COL22A1: variants seen among roughly 807,000 people sequenced by gnomAD.
COL22A1 encodes the protein collagen type XXII alpha 1 chain.
Under a neutral mutation model 248.9 loss-of-function variants are expected in COL22A1, and 221 were observed. The ratio of observed to expected loss-of-function variants is 0.89; its 90% confidence interval spans 0.80 to 0.99. COL22A1 has a LOEUF of 0.99. Ranked by LOEUF, COL22A1 falls within the 50% of genes least tolerant of loss-of-function variation. COL22A1 has a pLI of 0.00. For synonymous variants in COL22A1, 891 were observed against 793.4 expected (o/e 1.12, Z -2.07); for missense variants, 2,240 against 2,179.0 (o/e 1.03, Z -0.56).
chr8:138,677,507 G>T (rs979616999), intron 40 of COL22A1, among the ~76,000 whole-genome samples: 8 of 93,496 alleles, frequency 8.6e-5, no homozygotes, highest in African/African-American at 4.1e-4. Flanking sequence ...GGCCAAGGCC[G>T]AGCCACGCCT....
chr8:138,627,861 T>G (rs1820375783), intron 50 of COL22A1, among the ~76,000 whole-genome samples: 1 of 152,188 alleles, frequency 6.6e-6, no homozygotes, highest in Non-Finnish European at 1.5e-5. Flanking sequence ...AATTGTTGAT[T>G]AAACAATCCA....
chr8:138,732,006 A>G (rs574449024), intron 23 of COL22A1, among the ~76,000 whole-genome samples: 10 of 152,344 alleles, frequency 6.6e-5, no homozygotes, highest in East Asian at 1.9e-4. Context: ...CTCACTGGTA[A>G]GTTTCCCAAT....
At chr8:138,802,405 G>A (rs1437248079) in intron 11 of COL22A1, among the ~76,000 whole-genome samples, 2 of 151,974 alleles carry the variant, frequency 1.3e-5, no homozygotes, top group East Asian at 3.9e-4. Flanking sequence ...AGGTGCTGTG[G>A]GAACACAGAG....
chr8:138,882,876 CATA>C (rs1474521378), intron 2 of COL22A1, among the ~76,000 whole-genome samples: 1 of 152,182 alleles, frequency 6.6e-6, no homozygotes, highest in Non-Finnish European at 1.5e-5. Flanking sequence ...TACTGTCAGA[CATA>C]TACAGGCCCT....
chr8:138,685,233 G>T lies in COL22A1; in HGVS notation c.2942C>A (p.Pro981His). Residue 981 changes from proline to histidine, a missense_variant, in exon 38 of 65, where the codon CCC becomes CAC. By Grantham distance (77) the Pro-to-His change is moderately conservative. Transcript: ENST00000303045. The stretch of plus-strand genomic sequence containing the variant: ...CGGCTCTCCATCCTTCCCTTTTCCG[G>T]GTGGCCCAGGGAGCCCAGGAGCACC... ...DPGAPGLPGPPGKGKDGEPGL... is the reference protein window; with the variant it reads ...DPGAPGLPGPHGKGKDGEPGL... 6.2e-7 allele frequency: 1 copy of T among 1,612,998 alleles called. No homozygotes were observed. The highest frequency in any genetic ancestry group is 8.5e-7 in the Non-Finnish European group (1 of 1,179,468).
chr8:138,615,510 G>A (rs557701607), intron 55 of COL22A1, among the ~76,000 whole-genome samples: 47 of 147,556 alleles, frequency 3.2e-4, no homozygotes, highest in Non-Finnish European at 5.6e-4. Context: ...CAGCCTGGGC[G>A]ACGGAGTGAG....
intron 15 of COL22A1, among the ~76,000 whole-genome samples, chr8:138,777,527 C>G (rs1814581827): frequency 6.6e-6 from 1 of 152,148 alleles, no homozygotes; most frequent in South Asian, 2.1e-4. Context: ...TTGCCCACCA[C>G]CCCCCAACAG....
intron 12 of COL22A1, among the ~76,000 whole-genome samples, chr8:138,791,181 C>A (rs1201591535): frequency 6.6e-6 from 1 of 152,182 alleles, no homozygotes; most frequent in African/African-American, 2.4e-5. Context: ...TTGCTTGATG[C>A]TGGGCACCTT....
intron 6 of COL22A1, among the ~76,000 whole-genome samples, chr8:138,823,146 G>T (rs970215060): frequency 3.9e-5 from 6 of 151,958 alleles, no homozygotes; most frequent in African/African-American, 1.2e-4. Flanking sequence ...TTGTAAAATG[G>T]GACCAATAGT....
At chr8:138,850,297 G>A (rs577419615) in intron 3 of COL22A1, among the ~76,000 whole-genome samples, 1 of 152,300 alleles carries the variant, frequency 6.6e-6, no homozygotes, top group African/African-American at 2.4e-5. Context: ...GAGAGGGCAT[G>A]GTCAGAGTGC....
intron 12 of COL22A1, among the ~76,000 whole-genome samples, chr8:138,784,216 C>T (rs1402374536): frequency 6.6e-6 from 1 of 152,234 alleles, no homozygotes; most frequent in Non-Finnish European, 1.5e-5. Flanking sequence ...GAGACATGCT[C>T]ATTCCAGGAT....
intron 1 of COL22A1, among the ~76,000 whole-genome samples, chr8:138,910,057 G>C (rs1479071039): frequency 6.6e-6 from 1 of 152,210 alleles, no homozygotes; most frequent in Non-Finnish European, 1.5e-5. Flanking sequence ...ATGTGAAGAA[G>C]CAATACAAAA....
intron 4 of COL22A1, among the ~76,000 whole-genome samples, chr8:138,834,349 A>G (rs1359390459): frequency 7.6e-6 from 1 of 132,048 alleles, no homozygotes; most frequent in African/African-American, 3.4e-5. Flanking sequence ...GAGAAAAAGA[A>G]AAAAAAAAAA....
chr8:138,681,961 T>C (rs1397720208), intron 39 of COL22A1, among the ~76,000 whole-genome samples: 1 of 152,190 alleles, frequency 6.6e-6, no homozygotes, highest in Non-Finnish European at 1.5e-5. Context: ...CCTCACCTGC[T>C]TGAATAAGGG....
chr8:138,715,838 T>G lies in COL22A1; in HGVS notation c.2464-103A>C, dbSNP rs1487586196. 6 of 817,838 alleles carry G rather than the reference T, an allele frequency of 7.3e-6. No individual in the cohort carries two copies. The South Asian group carries it at 9.4e-5, about 13-fold the overall frequency. The allele number at this position is 817,838 out of a possible 1,614,324, so 50.7% of individuals were successfully genotyped here. On this transcript the variant is annotated intron_variant, in intron 29 of 64. Coordinates refer to ENST00000303045, the MANE Select transcript of COL22A1 (RefSeq NM_152888.3). ...ATGACTTTGGAAAAACATACATGTA[T>G]ATATTTCTCTCTCTCACTTGTCCTT...
intron 3 of COL22A1, 42 bp downstream of exon 3, chr8:138,877,708 G>T (rs758171465): frequency 2.6e-6 from 4 of 1,514,288 alleles, no homozygotes; most frequent in Middle Eastern, 1.9e-4. Flanking sequence ...AGCAGGGGGC[G>T]TCACTCTTGG....
At chr8:138,716,484 G>A (rs1829441541) in intron 28 of COL22A1, among the ~76,000 whole-genome samples, 195 bp from the exon 29 acceptor site, 1 of 152,300 alleles carries the variant, frequency 6.6e-6, no homozygotes, top group East Asian at 1.9e-4. Context: ...CCAAGCTCTT[G>A]TCTACTTCAG....
intron 10 of COL22A1, among the ~76,000 whole-genome samples, chr8:138,806,226 GTATGTGTGTGATGGTACGTGTGTATA>G (rs1817715305): frequency 7.3e-6 from 1 of 137,572 alleles, no homozygotes; most frequent in African/African-American, 2.8e-5. Flanking sequence ...GTGTGATGGG[GTATGTGTGTGATGGTACGTGTGTATA>G]TATGTGTGAT....
intron 47 of COL22A1, 133 bp from the exon 48 acceptor site, chr8:138,636,928 G>A: frequency 1.3e-6 from 1 of 744,028 alleles, no homozygotes; most frequent in South Asian, 1.6e-5. Context: ...TGGTAGCTCA[G>A]GCACGGTGGC....
Sources: allele counts gnomAD v4.1 joint callset (sites outside exome capture counted in the v4.1 genomes callset), GRCh38; gene constraint gnomAD v4.1.1; transcripts MANE v1.5; gene names NCBI Gene and HGNC (gene_info 2026-07-23, HGNC 2026-07-21).